EPG5: variants seen among roughly 807,000 people sequenced by gnomAD.
The protein encoded by EPG5 is ectopic P-granules 5 autophagy tethering factor, also known as ectopic P granules protein 5 homolog.
EPG5 carries 159 observed loss-of-function variants against 302.7 expected under a neutral mutation model. The observed-to-expected ratio is 0.53, with a 90% CI of 0.46 to 0.60. The LOEUF is 0.60. Among genes scored for constraint, EPG5 ranks in the 20% least tolerant of loss-of-function variants. The pLI, the probability that EPG5 is intolerant of heterozygous loss-of-function variation, is 0.00. For missense variants in EPG5, 2,896 were observed against 3,092.4 expected, an observed-to-expected ratio of 0.94 and a Z score of 1.51; for synonymous variants, 1,158 against 1,136.8, an observed-to-expected ratio of 1.02 and a Z score of -0.37.
chr18:45,868,044 G>C, intron 36 of EPG5: 1 of 491,658 alleles, frequency 2.0e-6, no homozygotes, highest in Non-Finnish European at 4.0e-6. Context: ...CGCTGCCACA[G>C]TAAGTCACTG....
At chr18:45,952,955 C>T (rs761701975) in intron 2 of EPG5, among the ~76,000 whole-genome samples, 1 of 152,046 alleles carries the variant, frequency 6.6e-6, no homozygotes, top group African/African-American at 2.4e-5. Flanking sequence ...AGGTGGATCA[C>T]GAAGTCAGGA....
intron 32 of EPG5, among the ~76,000 whole-genome samples, chr18:45,879,545 C>A (rs902250675): frequency 2.0e-5 from 3 of 151,966 alleles, no homozygotes; most frequent in African/African-American, 7.2e-5. Flanking sequence ...TTTTTGTATT[C>A]TTTAGTAGAG....
intron 15 of EPG5, 44 bp downstream of exon 15, chr18:45,923,224 G>A (rs781356694): frequency 5.0e-6 from 8 of 1,599,774 alleles, no homozygotes; most frequent in South Asian, 1.1e-5. Flanking sequence ...AATGTCTTGG[G>A]AAGATAAAGA....
intron 30 of EPG5, among the ~76,000 whole-genome samples, chr18:45,883,461 C>CCT (rs2049145165): frequency 7.5e-6 from 1 of 132,538 alleles, no homozygotes; most frequent in Non-Finnish European, 1.6e-5. Context: ...TCAAGGTTGT[C>CCT]TTTTTTTTTT....
At chr18:45,932,991 T>A (rs752374985) in intron 11 of EPG5, among the ~76,000 whole-genome samples, 2 of 152,198 alleles carry the variant, frequency 1.3e-5, no homozygotes, top group Non-Finnish European at 2.9e-5. Flanking sequence ...TGGCAGATAG[T>A]AAGTCCGCAA....
intron 24 of EPG5, among the ~76,000 whole-genome samples, chr18:45,904,925 A>C (rs907978751): frequency 5.3e-5 from 8 of 152,176 alleles, no homozygotes; most frequent in African/African-American, 1.4e-4. Flanking sequence ...AAAATGGAAG[A>C]GGAAGTGGAT....
intron 2 of EPG5, chr18:45,953,510 A>G (rs1216908875): frequency 1.4e-5 from 14 of 985,216 alleles, no homozygotes; most frequent in South Asian, 4.7e-5. Context: ...TTTCTCCCCA[A>G]TATCCCCTCC....
Position 45,910,639 on chromosome 18 carries a change from G to T in EPG5, c.4087C>A (p.His1363Asn), listed in dbSNP as rs541452152. Residue 1363 changes from histidine (H) to asparagine (N), a missense_variant, in exon 23 of 44, where the codon CAC becomes AAC. By Grantham distance (68) the His-to-Asn change is moderately conservative (BLOSUM62 1). This residue lies in a region of EPG5 where 790 missense variants were observed against 798.0 expected (regional missense o/e 0.99). Transcript: ENST00000282041. The stretch of plus-strand genomic sequence containing the variant: ...CGGAGGGCCTTGCTTGCAGCATGGT[G>T]GAAGTCAGCCACCTCGGTCAAACGT... ...KRRLTEVADF[H>N]HAASKALRVP... The T allele has an allele frequency of 3.7e-6, 6 of 1,614,118 alleles. No homozygotes were observed. Among genetic ancestry groups the T allele is most frequent in the Non-Finnish European group, 5.1e-6 (6 of 1,180,024 alleles).
Position 45,910,665 on chromosome 18 carries a change from C to G in EPG5, c.4061G>C (p.Arg1354Thr). ...GAAGTCAGCCACCTCGGTCAAACGT[C>G]TCTTCATTTCTTTCAACAAATTGAT... ...AHINLLKEMKRRLTEVADFHH... is the reference protein window; with the variant it reads ...AHINLLKEMKTRLTEVADFHH... Residue 1354 changes from arginine (R) to threonine (T), a missense_variant, in exon 23 of 44, where the codon AGA (arginine) becomes ACA (threonine). Physicochemically the swap from Arg to Thr is moderately conservative, Grantham distance 71 (BLOSUM62 -1). This residue lies in a region of EPG5 where 790 missense variants were observed against 798.0 expected (regional missense o/e 0.99). Coordinates refer to ENST00000282041, the MANE Select transcript of EPG5 (RefSeq NM_020964.3). The G allele has an allele frequency of 3.1e-6, 5 of 1,614,182 alleles. No individual in the cohort carries two copies. Among genetic ancestry groups the G allele is most frequent in the Non-Finnish European group, 4.2e-6 (5 of 1,180,040 alleles).
At chr18:45,853,969 T>C (rs755209069) in intron 43 of EPG5, among the ~76,000 whole-genome samples, 2 of 152,216 alleles carry the variant, frequency 1.3e-5, no homozygotes, top group Non-Finnish European at 2.9e-5. Context: ...AAAATCCTGA[T>C]GACAAGTATG....
rs1179838355 is a variant in EPG5, at chr18:45,949,481, T to C, written c.1497+3A>G. 17 of 1,588,236 alleles carry C rather than the reference T, an allele frequency of 1.1e-5. No homozygotes were observed. The highest frequency in any genetic ancestry group is 2.2e-5 in the East Asian group (1 of 44,690). Reference sequence around the variant, plus strand: ...CTCAGAATGAGTTGATGATTCATCATACCTGGATAAAAGGAACAGCCCATT... The same window carrying C: ...CTCAGAATGAGTTGATGATTCATCACACCTGGATAAAAGGAACAGCCCATT... On this transcript the variant is annotated splice_donor_region_variant and intron_variant, in intron 5 of 43. Transcript: ENST00000282041.
rs1453910564 is a variant in EPG5, at chr18:45,855,572, C to A, written c.7557+1G>T. 6.2e-7 allele frequency: 1 copy of A among 1,612,188 alleles called. No individual in the cohort carries two copies. The highest frequency in any genetic ancestry group is 1.3e-5 in the African/African-American group (1 of 74,862). On this transcript the variant is annotated splice_donor_variant, in intron 43 of 43. Transcript: ENST00000282041. LOFTEE classifies it high-confidence loss of function. ...TCTAACCCTTCATTGTATATACTGA[C>A]CTGCTGAGCTTTGGGGGTCAGATGT...
rs1268551170 is a variant in EPG5 at position 45,899,495 on chromosome 18, T to C, written c.4718A>G (p.Tyr1573Cys). The C allele has an allele frequency of 3.7e-6, 6 of 1,614,218 alleles. No homozygotes were observed. Among genetic ancestry groups the C allele is most frequent in the East Asian group, 2.2e-5 (1 of 44,886 alleles). Residue 1573 changes from tyrosine to cysteine, a missense_variant, in exon 27 of 44, where the codon TAT becomes TGT. This residue lies in a region of EPG5 where 790 missense variants were observed against 798.0 expected (regional missense o/e 0.99). Coordinates refer to ENST00000282041, the MANE Select transcript of EPG5 (RefSeq NM_020964.3). Reference protein sequence around the residue: ...GELLDTMPKQYVNREEQTTLH... With the variant: ...GELLDTMPKQCVNREEQTTLH... ...TGTGGTCTGTTCTTCACGATTCACA[T>C]ACTGCTTTGGCATTGTGTCTAACAG...
rs772433940 is a variant in EPG5 at position 45,899,576 on chromosome 18, A to G, written c.4647-10T>C. On this transcript the variant is annotated splice_polypyrimidine_tract_variant and intron_variant, in intron 26 of 43. Transcript: ENST00000282041. ...CCGAAGAGCTGCGGTTCTGAAAAAC[A>G]TCATCAGGAGGTAAAAGAAAGTCTT... 6.2e-7 allele frequency: 1 copy of G among 1,613,804 alleles called. No individual in the cohort carries two copies. Among genetic ancestry groups the G allele is most frequent in the Non-Finnish European group, 8.5e-7 (1 of 1,179,700 alleles).
chr18:45,927,313 A>C (rs929888155), intron 13 of EPG5, among the ~76,000 whole-genome samples: 2 of 152,192 alleles, frequency 1.3e-5, no homozygotes, highest in African/African-American at 4.8e-5. Flanking sequence ...TGCTGGGATT[A>C]CAGGCGTAAG....
chr18:45,869,990 C>T (rs2048835695), intron 36 of EPG5, among the ~76,000 whole-genome samples: 1 of 151,644 alleles, frequency 6.6e-6, no homozygotes, highest in African/African-American at 2.4e-5. Context: ...ATGTAAGTTA[C>T]ACTACACTCT....
Position 45,855,635 on chromosome 18 carries a change from T to C in EPG5, c.7495A>G (p.Met2499Val), listed in dbSNP as rs191244915. 2.9e-4 allele frequency: 475 copies of C among 1,614,166 alleles called. 3 individuals carry two copies. In the African/African-American group the frequency reaches 4.9e-3, roughly 17 times the overall value. ...GGCCTCAAACGGATCTGATCTTCCA[T>C]AGGAACCTGAACTGAAAGGAAGGCA... ...MAAFLSVQVP[M>V]EDQIRLRPGS... is the part of the protein sequence containing the mutation. The change falls in exon 43 of 44, where the codon ATG becomes GTG. Residue 2499 changes from methionine to valine, a missense_variant. By Grantham distance (21) the Met-to-Val change is conservative. Transcript: ENST00000282041.
chr18:45,861,272 A>G (rs2048628164), intron 39 of EPG5, among the ~76,000 whole-genome samples: 1 of 152,256 alleles, frequency 6.6e-6, no homozygotes, highest in Non-Finnish European at 1.5e-5. Flanking sequence ...GTAACAGTAT[A>G]TCTGTCTATT....
At chr18:45,865,508 G>A in intron 39 of EPG5, 107 bp downstream of exon 39, 1 of 1,227,592 alleles carries the variant, frequency 8.1e-7, no homozygotes, top group Non-Finnish European at 1.2e-6. Context: ...TGCTTCTCTG[G>A]AAAGAGGAGT....
Sources: gnomAD v4.1 joint callset for allele counts (sites outside exome capture counted in the v4.1 genomes callset) on GRCh38, gnomAD v4.1.1 for gene constraint, gnomAD v4.1.1 regional missense constraint, MANE v1.5 for transcripts, NCBI Gene and HGNC (gene_info 2026-07-23, HGNC 2026-07-21) for gene names.